ANXA13: variants seen among roughly 807,000 people sequenced by gnomAD.
ANXA13 encodes the protein annexin A13.
ANXA13 carries 36 observed loss-of-function variants against 46.6 expected under a neutral mutation model. That is an observed-to-expected ratio of 0.77 (90% confidence interval 0.59 to 1.02). ANXA13 has a LOEUF of 1.02. Among genes scored for constraint, ANXA13 ranks in the 50% least tolerant of loss-of-function variants. The probability of loss-of-function intolerance (pLI) is 0.00; values close to 1 mark genes in which losing one functional copy is unlikely to be tolerated. For missense variants in ANXA13, 417 were observed against 396.5 expected, an observed-to-expected ratio of 1.05 and a Z score of -0.44; for synonymous variants, 163 against 152.9, an observed-to-expected ratio of 1.07 and a Z score of -0.49.
chr8:123,697,943 C>G (rs1813373381), intron 4 of ANXA13, among the ~76,000 whole-genome samples: 1 of 152,220 alleles, frequency 6.6e-6, no homozygotes, highest in Admixed American at 6.5e-5. Context: ...GGGGTGTTCA[C>G]TGGCATCCCC....
intron 9 of ANXA13, among the ~76,000 whole-genome samples, chr8:123,687,638 A>AC (rs1813164113): frequency 6.6e-6 from 1 of 152,158 alleles, no homozygotes; most frequent in Non-Finnish European, 1.5e-5. Flanking sequence ...GTTCAAAAAA[A>AC]CCCCAAAGAA....
rs550389801 is a variant in ANXA13 at position 123,731,027 on chromosome 8, C to G, written c.15+6293G>C. Among the ~76,000 whole-genome samples the G allele has an allele frequency of 3.9e-5, 6 of 152,280 alleles. No homozygotes were observed. The South Asian group carries it at 8.3e-4, about 21-fold the overall frequency. On this transcript the variant is annotated intron_variant, in intron 1 of 10. Transcript: ENST00000419625. ...AGTCAATGCTGAGGCACAGCCCCAG[C>G]CTGGGCATGGGAAAGGCTTATGCTT... is the stretch of plus-strand genomic sequence containing the variant.
Position 123,695,712 on chromosome 8 carries a change from C to A in ANXA13, c.367G>T (p.Ala123Ser). 1.9e-6 allele frequency: 3 copies of A among 1,613,000 alleles called. No individual in the cohort carries two copies. The highest frequency in any genetic ancestry group is 2.5e-6 in the Non-Finnish European group (3 of 1,179,216). Residue 123 changes from alanine (A) to serine (S), a missense_variant, in exon 5 of 11, where the codon GCC (alanine) becomes TCC (serine). Physicochemically the swap from Ala to Ser is moderately conservative, Grantham distance 99. Coordinates refer to ENST00000419625, the MANE Select transcript of ANXA13 (RefSeq NM_004306.4). ...LCTRTNKEII[A>S]IKEAYQRLFD... ...CGCCTTTGGTAGGCCTCTTTAATGG[C>A]GATGATTTCCTAGGGAAGGTAATTT...
chr8:123,721,959 A>G (rs1813881541), intron 1 of ANXA13, among the ~76,000 whole-genome samples: 1 of 152,148 alleles, frequency 6.6e-6, no homozygotes. Flanking sequence ...CTTCTCATTA[A>G]TGGGTTTTTG....
In ANXA13 at chr8:123,693,263, C is replaced by A. The variant is rs745340317; in HGVS notation, c.576G>T (p.Ala192=). ...TCCTCTTGGCCAGGACTTCATTGAACGCAAGCTCATCAGTGCCCCAGCGGC... is the reference window on the plus strand; with the variant it reads ...TCCTCTTGGCCAGGACTTCATTGAAAGCAAGCTCATCAGTGCCCCAGCGGC... The part of the protein sequence containing the change: ...GEGRWGTDEL[A]FNEVLAKRSY... Residue 192 remains alanine, a synonymous_variant, in exon 8 of 11, where the codon GCG becomes GCT. Coordinates refer to ENST00000419625, the MANE Select transcript of ANXA13 (RefSeq NM_004306.4). 4.3e-6 allele frequency: 7 copies of A among 1,614,018 alleles called. No individual in the cohort carries two copies. Among genetic ancestry groups the A allele is most frequent in the Admixed American group, 3.3e-5 (2 of 60,002 alleles).
rs184346075 is a variant in ANXA13 at position 123,730,935 on chromosome 8, G to A, written c.15+6385C>T. ...TGAGAAGCCTGAGGAGGCAGGTGTG[G>A]TGCTAACCCGGGTTTCAATGCCATC... On this transcript the variant is annotated intron_variant, in intron 1 of 10. Transcript: ENST00000419625. 2.0e-4 allele frequency among the ~76,000 whole-genome samples: 30 copies of A among 152,286 alleles called. 1 individual carries two copies. Among genetic ancestry groups the A allele is most frequent in the Admixed American group, 1.1e-3 (17 of 15,302 alleles).
chr8:123,693,689 A>G (rs1813281669), intron 7 of ANXA13, 22 bp downstream of exon 7: 1 of 1,586,290 alleles, frequency 6.3e-7, no homozygotes, highest in Admixed American at 1.9e-5. Context: ...ATTTGCAGAG[A>G]CTGGCATGTC....
At chr8:123,714,430 T>G (rs903155538) in intron 1 of ANXA13, among the ~76,000 whole-genome samples, 6 of 152,342 alleles carry the variant, frequency 3.9e-5, no homozygotes, top group Middle Eastern at 6.8e-3. Context: ...CTAGGGCTCT[T>G]AGTGCCCATT....
chr8:123,689,308 T>A (rs1246063033), intron 8 of ANXA13, among the ~76,000 whole-genome samples: 3 of 149,684 alleles, frequency 2.0e-5, no homozygotes, highest in Non-Finnish European at 3.0e-5. Context: ...ATTTTTTTTT[T>A]AACATTGATG....
Position 123,680,884 on chromosome 8 carries a change from C to T in ANXA13, c.*356G>A. 5.5e-6 allele frequency: 1 copy of T among 181,092 alleles called. No individual in the cohort carries two copies. Among genetic ancestry groups the T allele is most frequent in the Non-Finnish European group, 1.2e-5 (1 of 86,734 alleles). 11.2% of individuals were successfully genotyped at this position (181,092 alleles called of 1,614,324 possible). A position where few individuals can be genotyped will look rare whatever the true frequency, so the allele number is the denominator to read the frequency against. ...TAATAAATTGTTTAATTTTGTCTTT[C>T]CTGTACCTTACTTGTGTGATGCATA... is the stretch of plus-strand genomic sequence containing the variant. On this transcript the variant is annotated 3_prime_UTR_variant, in exon 11 of 11. Coordinates refer to ENST00000419625, the MANE Select transcript of ANXA13 (RefSeq NM_004306.4).
At chr8:123,734,961 C>T (rs1250451027) in intron 1 of ANXA13, among the ~76,000 whole-genome samples, 3 of 151,830 alleles carry the variant, frequency 2.0e-5, no homozygotes, top group Admixed American at 1.3e-4. Flanking sequence ...GAAGGTCCCA[C>T]GGCATTACAA....
intron 10 of ANXA13, among the ~76,000 whole-genome samples, chr8:123,683,799 C>T (rs1813086315): frequency 6.6e-6 from 1 of 152,034 alleles, no homozygotes; most frequent in Non-Finnish European, 1.5e-5. Flanking sequence ...GTTGGCCAGG[C>T]CGGTCTCGAA....
At chr8:123,732,310 GGTGGC>G (rs1350508791) in intron 1 of ANXA13, among the ~76,000 whole-genome samples, 1 of 152,206 alleles carries the variant, frequency 6.6e-6, no homozygotes, top group African/African-American at 2.4e-5. Flanking sequence ...TGAAGTGCTT[GGTGGC>G]GTGAAGGACT....
At chr8:123,727,163 A>G (rs1275876472) in intron 1 of ANXA13, among the ~76,000 whole-genome samples, 4 of 152,226 alleles carry the variant, frequency 2.6e-5, no homozygotes, top group African/African-American at 4.8e-5. Context: ...GAACTTACTC[A>G]TGTAACCAAA....
chr8:123,697,395 TC>T (rs1813361012), intron 4 of ANXA13, among the ~76,000 whole-genome samples: 1 of 152,136 alleles, frequency 6.6e-6, no homozygotes, highest in African/African-American at 2.4e-5. Context: ...CTCCGAAGCA[TC>T]ATCCCAACCT....
chr8:123,687,793 C>T (rs754270341), intron 9 of ANXA13, among the ~76,000 whole-genome samples: 1 of 152,136 alleles, frequency 6.6e-6, no homozygotes, highest in Non-Finnish European at 1.5e-5. Flanking sequence ...GGACTGTGGA[C>T]AATGGACAAT....
At chr8:123,707,966 G>T (rs78381349) in intron 2 of ANXA13, among the ~76,000 whole-genome samples, 20,572 of 152,166 alleles carry the variant, frequency 0.14, 1,551 homozygotes, top group Admixed American at 0.18. Flanking sequence ...GGACGTCGGG[G>T]GAGGCTATGA....
intron 1 of ANXA13, among the ~76,000 whole-genome samples, chr8:123,718,787 G>C (rs774574318): frequency 2.6e-4 from 39 of 152,222 alleles, no homozygotes; most frequent in Non-Finnish European, 5.1e-4. Context: ...CTAGGAAGCG[G>C]TGTCACCTTG....
intron 1 of ANXA13, among the ~76,000 whole-genome samples, chr8:123,726,923 G>A (rs921070664): frequency 8.5e-5 from 13 of 152,188 alleles, no homozygotes; most frequent in African/African-American, 3.1e-4. Flanking sequence ...TGGGATCGGA[G>A]AATACTATTC....
Sources: gnomAD v4.1 joint callset for allele counts (sites outside exome capture counted in the v4.1 genomes callset) on GRCh38, gnomAD v4.1.1 for gene constraint, MANE v1.5 for transcripts, NCBI Gene and HGNC (gene_info 2026-07-23, HGNC 2026-07-21) for gene names.